FAM135B: variants seen among roughly 807,000 people sequenced by gnomAD.
FAM135B encodes the protein family with sequence similarity 135 member B.
FAM135B carries 43 observed loss-of-function variants against 127.7 expected under a neutral mutation model. The observed-to-expected ratio is 0.34, with a 90% confidence interval of 0.26 to 0.43. The LOEUF (loss-of-function observed/expected upper bound fraction) is 0.43, where lower values mean the gene tolerates loss of function less well. Ranked by LOEUF, FAM135B falls within the 20% of genes least tolerant of loss-of-function variation. The pLI is 1.00. For synonymous variants in FAM135B, 670 were observed against 665.1 expected, an observed-to-expected ratio of 1.01 and a Z score of -0.11; for missense variants, 1,558 against 1,725.6, an observed-to-expected ratio of 0.90 and a Z score of 1.72.
At chr8:138,216,527 G>A (rs1818559105) in intron 7 of FAM135B, among the ~76,000 whole-genome samples, 1 of 152,158 alleles carries the variant, frequency 6.6e-6, no homozygotes, top group East Asian at 1.9e-4. Flanking sequence ...GCTGGGTAAT[G>A]CCTGTCTGAG....
chr8:138,183,114 A>T (rs374942158), intron 9 of FAM135B, among the ~76,000 whole-genome samples: 69 of 44,976 alleles, frequency 1.5e-3, no homozygotes, highest in East Asian at 4.3e-3. Context: ...TACATATACA[A>T]GGGGGGTGGG....
chr8:138,223,524 A>T, intron 7 of FAM135B, among the ~76,000 whole-genome samples: 1 of 152,290 alleles, frequency 6.6e-6, no homozygotes, highest in African/African-American at 2.4e-5. Context: ...AGAATTCCTA[A>T]GATAAAGAGG....
At chr8:138,344,344 C>G (rs1342611246) in intron 2 of FAM135B, among the ~76,000 whole-genome samples, 1 of 152,118 alleles carries the variant, frequency 6.6e-6, no homozygotes. Context: ...CCCATCGTAA[C>G]CCGGCGCCAG....
At chr8:138,203,016 G>A (rs1371623536) in intron 7 of FAM135B, among the ~76,000 whole-genome samples, 1 of 152,176 alleles carries the variant, frequency 6.6e-6, no homozygotes, top group African/African-American at 2.4e-5. Context: ...AGGAAAGTCA[G>A]GATAAAGTTA....
chr8:138,157,711 A>C (rs1818906930), intron 12 of FAM135B, among the ~76,000 whole-genome samples: 1 of 152,196 alleles, frequency 6.6e-6, no homozygotes, highest in Admixed American at 6.5e-5. Context: ...CTTCAAAGAG[A>C]ATAAAATACT....
intron 2 of FAM135B, among the ~76,000 whole-genome samples, chr8:138,321,807 A>C (rs1417909663): frequency 1.3e-5 from 2 of 152,226 alleles, no homozygotes; most frequent in African/African-American, 4.8e-5. Flanking sequence ...GGCACCCAGC[A>C]TCACACTTGT....
At chr8:138,311,034 G>A in intron 2 of FAM135B, 114 bp from the exon 3 acceptor site, 2 of 748,044 alleles carry the variant, frequency 2.7e-6, no homozygotes, top group African/African-American at 1.7e-5. Flanking sequence ...TTTCTTGGCA[G>A]CATGCACAAT....
At chr8:138,433,629 G>T (rs948860394) in intron 1 of FAM135B, among the ~76,000 whole-genome samples, 7 of 152,094 alleles carry the variant, frequency 4.6e-5, no homozygotes, top group Admixed American at 3.9e-4. Flanking sequence ...TGAAATTCAT[G>T]CTCAGGAAGA....
intron 1 of FAM135B, among the ~76,000 whole-genome samples, chr8:138,466,219 A>C (rs991682020): frequency 6.6e-6 from 1 of 152,208 alleles, no homozygotes; most frequent in African/African-American, 2.4e-5. Flanking sequence ...TGAATCAAGA[A>C]GACAGACTGG....
chr8:138,234,463 G>C (rs6577896), intron 7 of FAM135B, among the ~76,000 whole-genome samples: 65,447 of 151,926 alleles, frequency 0.43, 14,499 homozygotes, highest in African/African-American at 0.51. Flanking sequence ...ATGGAAACAA[G>C]TTACATGTCT....
At chr8:138,153,239 A>AT in intron 12 of FAM135B, 23 bp from the exon 13 acceptor site, 1 of 1,484,350 alleles carries the variant, frequency 6.7e-7, no homozygotes, top group South Asian at 1.4e-5. Context: ...AAGAAAGAAA[A>AT]TTATATTATA....
intron 2 of FAM135B, among the ~76,000 whole-genome samples, chr8:138,321,052 C>A (rs1375184569): frequency 1.3e-5 from 2 of 152,266 alleles, no homozygotes; most frequent in East Asian, 1.9e-4. Flanking sequence ...CACAGACACT[C>A]TGGAGTCTGA....
At chr8:138,410,545 G>A (rs897269886) in intron 1 of FAM135B, among the ~76,000 whole-genome samples, 16 of 152,144 alleles carry the variant, frequency 1.1e-4, no homozygotes, top group Non-Finnish European at 2.1e-4. Context: ...GCTCAACATC[G>A]CTAATCATCA....
At chr8:138,176,951 A>T in intron 11 of FAM135B, among the ~76,000 whole-genome samples, 1 of 152,168 alleles carries the variant, frequency 6.6e-6, no homozygotes. Flanking sequence ...TTCAGACTTA[A>T]TTCTTATGCT....
chr8:138,260,423 T>C (rs1417772706), intron 4 of FAM135B, among the ~76,000 whole-genome samples: 1 of 152,092 alleles, frequency 6.6e-6, no homozygotes, highest in Non-Finnish European at 1.5e-5. Flanking sequence ...CCACAGCTAG[T>C]GCCCCCGCGA....
intron 4 of FAM135B, 95 bp downstream of exon 4, chr8:138,265,608 C>T: frequency 7.1e-7 from 1 of 1,408,598 alleles, no homozygotes; most frequent in Non-Finnish European, 9.9e-7. Context: ...CAAAGTAAAC[C>T]CATACCTTCT....
At chr8:138,476,893 A>C (rs1169429824) in intron 1 of FAM135B, among the ~76,000 whole-genome samples, 2 of 152,212 alleles carry the variant, frequency 1.3e-5, no homozygotes, top group East Asian at 3.9e-4. Context: ...TGGGATAACT[A>C]TAGATACCTG....
intron 8 of FAM135B, among the ~76,000 whole-genome samples, chr8:138,195,655 C>T (rs1816562289): frequency 6.6e-6 from 1 of 151,928 alleles, no homozygotes; most frequent in Non-Finnish European, 1.5e-5. Flanking sequence ...CACACACACA[C>T]ACAAACACAC....
chr8:138,411,513 G>T (rs1024075794), intron 1 of FAM135B, among the ~76,000 whole-genome samples: 3 of 152,094 alleles, frequency 2.0e-5, no homozygotes, highest in African/African-American at 7.2e-5. Flanking sequence ...TTAAACGTTT[G>T]ACCTAAAACC....
Sources: gnomAD v4.1 joint callset for allele counts (sites outside exome capture counted in the v4.1 genomes callset) on GRCh38, gnomAD v4.1.1 for gene constraint, MANE v1.5 for transcripts, NCBI Gene and HGNC (gene_info 2026-07-23, HGNC 2026-07-21) for gene names.